Variants in ANKRD12 observed in about 807,000 individuals in gnomAD.
ANKRD12 encodes the protein ankyrin repeat domain-containing protein 12.
In ANKRD12, 85 loss-of-function variants were observed where a neutral mutation model predicts 183.4. The ratio of observed to expected loss-of-function variants is 0.46; its 90% CI spans 0.39 to 0.56. The LOEUF (loss-of-function observed/expected upper bound fraction) is 0.56. Among genes scored for constraint, ANKRD12 ranks in the 20% least tolerant of loss-of-function variants. ANKRD12 has a pLI of 0.00. For synonymous variants in ANKRD12, 914 were observed against 800.2 expected, an observed-to-expected ratio of 1.14 and a Z score of -2.40; for missense variants, 2,405 against 2,357.1, an observed-to-expected ratio of 1.02 and a Z score of -0.42.
chr18:9,250,037 GATA>G (rs1338748177), intron 8 of ANKRD12: 1 of 152,176 alleles, frequency 6.6e-6, no homozygotes, highest in Non-Finnish European at 1.5e-5. Flanking sequence ...CTTAAATGGG[GATA>G]ATAACACCTG....
In ANKRD12 at chr18:9,285,202, C is replaced by T. The variant is rs2040195725; in HGVS notation, c.*4076C>T. ...CCAGCCTGGGCGACAGAGCGAGACT[C>T]CGTCTCAAAAAAAAAAAAAAAGAAA... On this transcript the variant is annotated 3_prime_UTR_variant, in exon 13 of 13. Coordinates refer to ENST00000262126, the MANE Select transcript of ANKRD12 (RefSeq NM_015208.5). 6.8e-6 allele frequency: 1 copy of T among 147,206 alleles called. No homozygotes were observed. Among genetic ancestry groups the T allele is most frequent in the Non-Finnish European group, 1.5e-5 (1 of 66,476 alleles). 9.1% of individuals were successfully genotyped at this position (147,206 alleles called of 1,614,324 possible).
At chr18:9,183,125 C>T (rs1236152834) in intron 2 of ANKRD12, among the ~76,000 whole-genome samples, 1 of 152,138 alleles carries the variant, frequency 6.6e-6, no homozygotes, top group Non-Finnish European at 1.5e-5. Flanking sequence ...TAGTCAGTCT[C>T]CACTGCAACC....
intron 2 of ANKRD12, among the ~76,000 whole-genome samples, chr18:9,191,008 G>T (rs2034420218): frequency 6.6e-6 from 1 of 152,104 alleles, no homozygotes; most frequent in Non-Finnish European, 1.5e-5. Flanking sequence ...ATATATTCTT[G>T]TTTTCTGGAT....
In ANKRD12 at chr18:9,157,560, T is replaced by TGTGG. The variant is rs1555707828; in HGVS notation, c.-52+20598_-52+20599insGGTG. ...TTTATGGTGTGTGTGGGTGTGTGTG[T>TGTGG]GTGTGTGTGTGTGTGTGTGTGTGTG... is the stretch of plus-strand genomic sequence containing the variant. On this transcript the variant is annotated intron_variant, in intron 1 of 12. Coordinates refer to ENST00000262126, the MANE Select transcript of ANKRD12 (RefSeq NM_015208.5). Among the ~76,000 whole-genome samples the TGTGG allele has an allele frequency of 1.8e-3, 185 of 103,244 alleles. 4 individuals carry two copies. Among genetic ancestry groups the TGTGG allele is most frequent in the Non-Finnish European group, 2.9e-3 (158 of 54,288 alleles). The allele number at this position is 103,244 out of a possible 152,430, so 67.7% of individuals were successfully genotyped here. A position where few individuals can be genotyped will look rare whatever the true frequency, so the allele number is the denominator to read the frequency against.
chr18:9,149,650 G>A (rs1396789276), intron 1 of ANKRD12, among the ~76,000 whole-genome samples: 6 of 151,962 alleles, frequency 3.9e-5, no homozygotes, highest in South Asian at 2.1e-4. Context: ...AGTAGATACC[G>A]GTTGTTTATT....
rs1231112334 is a variant in ANKRD12 at position 9,284,478 on chromosome 18, A to C, written c.*3352A>C. 6.6e-6 allele frequency: 1 copy of C among 152,242 alleles called. No individual in the cohort carries two copies. The highest frequency in any genetic ancestry group is 1.5e-5 in the Non-Finnish European group (1 of 68,032). The allele number at this position is 152,242 out of a possible 1,614,324, so 9.4% of individuals were successfully genotyped here. A position where few individuals can be genotyped will look rare whatever the true frequency, so the allele number is the denominator to read the frequency against. ...TTGACTCTGTAAAACGCAATGAAAT[A>C]GTCCTCTTTTTAAACAGTTTAAAGG... On this transcript the variant is annotated 3_prime_UTR_variant, in exon 13 of 13. Coordinates refer to ENST00000262126, the MANE Select transcript of ANKRD12 (RefSeq NM_015208.5).
chr18:9,239,212 GC>G, intron 8 of ANKRD12, among the ~76,000 whole-genome samples: 1 of 152,288 alleles, frequency 6.6e-6, no homozygotes, highest in Middle Eastern at 3.4e-3. Context: ...ATATTTGGCT[GC>G]CCTCTGGATA....
chr18:9,211,844 A>G lies in ANKRD12; in HGVS notation c.652+60A>G, dbSNP rs1479109158. On this transcript the variant is annotated intron_variant, in intron 6 of 12. Transcript: ENST00000262126. The stretch of plus-strand genomic sequence containing the variant: ...ACTAAAATTTAAACAGATCCTGGTT[A>G]CAATTTAATCTACATTCTTTTATTC... 4 of 1,336,210 alleles carry G rather than the reference A, an allele frequency of 3.0e-6. No individual in the cohort carries two copies. The East Asian group carries it at 9.4e-5, about 31-fold the overall frequency. The allele number at this position is 1,336,210 out of a possible 1,614,324, so 82.8% of individuals were successfully genotyped here. A position where few individuals can be genotyped will look rare whatever the true frequency, so the allele number is the denominator to read the frequency against.
At chr18:9,238,882 G>T (rs2037499297) in intron 8 of ANKRD12, among the ~76,000 whole-genome samples, 1 of 152,224 alleles carries the variant, frequency 6.6e-6, no homozygotes, top group Admixed American at 6.5e-5. Flanking sequence ...AGCACTTTGG[G>T]AGGCCGAGAC....
At chr18:9,158,070 C>T (rs1360372710) in intron 1 of ANKRD12, among the ~76,000 whole-genome samples, 1 of 152,060 alleles carries the variant, frequency 6.6e-6, no homozygotes, top group East Asian at 1.9e-4. Context: ...AGGATGGAGT[C>T]GTTGCTTAAT....
chr18:9,241,993 C>G (rs1408232031), intron 8 of ANKRD12, among the ~76,000 whole-genome samples: 2 of 151,178 alleles, frequency 1.3e-5, no homozygotes, highest in Non-Finnish European at 2.9e-5. Context: ...TAAGAAATCA[C>G]TTTTAGCAGT....
At chr18:9,196,608 A>G (rs930074208) in intron 3 of ANKRD12, among the ~76,000 whole-genome samples, 4 of 152,224 alleles carry the variant, frequency 2.6e-5, no homozygotes, top group Admixed American at 2.6e-4. Context: ...GAAAATACTC[A>G]TAAAGATTTT....
chr18:9,204,812 T>A (rs2035385997), intron 4 of ANKRD12, among the ~76,000 whole-genome samples: 1 of 152,182 alleles, frequency 6.6e-6, no homozygotes. Flanking sequence ...GGAACACCAT[T>A]CACGCAGAAA....
chr18:9,203,428 A>G (rs1317332396), intron 3 of ANKRD12, among the ~76,000 whole-genome samples: 2 of 152,322 alleles, frequency 1.3e-5, no homozygotes, highest in South Asian at 2.1e-4. Context: ...AGTTAAGGAT[A>G]TGAAGAACAC....
At chr18:9,168,863 A>G (rs2032373677) in intron 1 of ANKRD12, among the ~76,000 whole-genome samples, 2 of 151,980 alleles carry the variant, frequency 1.3e-5, no homozygotes, top group Admixed American at 6.6e-5. Flanking sequence ...ATTTAGTGCT[A>G]TAGATTTCCC....
chr18:9,162,502 A>G (rs1429946168), intron 1 of ANKRD12, among the ~76,000 whole-genome samples: 1 of 152,174 alleles, frequency 6.6e-6, no homozygotes, highest in Non-Finnish European at 1.5e-5. Flanking sequence ...AGAGTGGTGC[A>G]GTGAAGATAC....
rs201084612 is a variant in ANKRD12 at position 9,256,132 on chromosome 18, C to G, written c.2865C>G (p.Asp955Glu). Residue 955 changes from aspartate (D) to glutamate (E), a missense_variant, in exon 9 of 13, where the codon GAC (aspartate) becomes GAG (glutamate). Coordinates refer to ENST00000262126, the MANE Select transcript of ANKRD12 (RefSeq NM_015208.5). ...KSEKGKNKEK[D>E]RELDKKEKSR... ...AAAAAGGCAAAAATAAAGAAAAAGA[C>G]AGGGAGCTAGATAAAAAGGAAAAAT... is the stretch of plus-strand genomic sequence containing the variant. 1.3e-6 allele frequency: 2 copies of G among 1,557,038 alleles called. No individual in the cohort carries two copies. Among genetic ancestry groups the G allele is most frequent in the Admixed American group, 2.3e-5 (1 of 44,134 alleles).
At chr18:9,156,148 A>AG (rs2030408004) in intron 1 of ANKRD12, among the ~76,000 whole-genome samples, 1 of 151,104 alleles carries the variant, frequency 6.6e-6, no homozygotes, top group South Asian at 2.1e-4. Flanking sequence ...AAAAAAAAAA[A>AG]AAAAAAAGAA....
chr18:9,276,249 C>T (rs577367459), intron 11 of ANKRD12, among the ~76,000 whole-genome samples: 1 of 148,322 alleles, frequency 6.7e-6, no homozygotes, highest in Admixed American at 6.6e-5. Flanking sequence ...TTATAATAAA[C>T]AGTGAAGGAT....
Sources: gnomAD v4.1 joint callset for allele counts (sites outside exome capture counted in the v4.1 genomes callset) on GRCh38, gnomAD v4.1.1 for gene constraint, MANE v1.5 for transcripts, NCBI Gene and HGNC (gene_info 2026-07-23, HGNC 2026-07-21) for gene names.